LARP1B: variants seen among roughly 807,000 people sequenced by gnomAD.
LARP1B encodes the protein la-related protein 1B.
A neutral mutation model predicts 114.2 loss-of-function variants in LARP1B; 76 were observed. That is an observed-to-expected ratio of 0.67 (90% CI 0.55 to 0.81). The LOEUF is 0.81. Among genes scored for constraint, LARP1B ranks in the 30% least tolerant of loss-of-function variants. The probability of loss-of-function intolerance (pLI) is 0.00; values close to 1 mark genes in which losing one functional copy is unlikely to be tolerated. For synonymous variants in LARP1B, 345 were observed against 348.0 expected, an observed-to-expected ratio of 0.99 and a Z score of 0.10; for missense variants, 1,014 against 1,075.8, an observed-to-expected ratio of 0.94 and a Z score of 0.80.
In LARP1B at chr4:128,107,970, T is replaced by C. The variant is rs557018375; in HGVS notation, c.988+657T>C. ...TGACTCACTGAAATGCCTTTATAAATACTGGAACAAATCCTGCTGCAAAAA... is the reference window on the plus strand; with the variant it reads ...TGACTCACTGAAATGCCTTTATAAACACTGGAACAAATCCTGCTGCAAAAA... On this transcript the variant is annotated intron_variant, in intron 9 of 19. Coordinates refer to ENST00000326639, the MANE Select transcript of LARP1B (RefSeq NM_018078.4). 3 of 1,532,072 alleles carry C rather than the reference T, an allele frequency of 2.0e-6. No individual in the cohort carries two copies. The African/African-American group carries it at 4.1e-5, about 21-fold the overall frequency. 94.9% of individuals were successfully genotyped at this position (1,532,072 alleles called of 1,614,324 possible).
rs76050129 is a variant in LARP1B at position 128,126,113 on chromosome 4, CT to C, written c.1524+3951del. 2.9e-3 allele frequency among the ~76,000 whole-genome samples: 399 copies of C among 135,938 alleles called. 1 individual carries two copies. Among genetic ancestry groups the C allele is most frequent in the African/African-American group, 0.011 (354 of 33,428 alleles). 89.2% of individuals were successfully genotyped at this position (135,938 alleles called of 152,430 possible). A position where few individuals can be genotyped will look rare whatever the true frequency, so the allele number is the denominator to read the frequency against. ...CAGCAGAAACATACCTTAAAATAAT[CT>C]TTTTTTTTTTTTTTTTTTTTTTTTT... is the stretch of plus-strand genomic sequence containing the variant. On this transcript the variant is annotated intron_variant, in intron 11 of 19. Coordinates refer to ENST00000326639, the MANE Select transcript of LARP1B (RefSeq NM_018078.4).
In LARP1B at chr4:128,089,402, C is replaced by T. The variant is rs1345717089; in HGVS notation, c.359-1599C>T. Among the ~76,000 whole-genome samples, 4 of 152,170 alleles carry T rather than the reference C, an allele frequency of 2.6e-5. No individual in the cohort carries two copies. In the South Asian group the frequency reaches 8.3e-4, roughly 32 times the overall value. On this transcript the variant is annotated intron_variant, in intron 5 of 19. Transcript: ENST00000326639. ...CTAGGCTAGAGTGCAGTGGCGAGGT[C>T]TCGGCTCACTGCAACCTCTGCCTCC...
chr4:128,200,454 T>C, intron 16 of LARP1B, 67 bp from the exon 17 acceptor site: 1 of 1,009,894 alleles, frequency 9.9e-7, no homozygotes. Context: ...ATTTTATATA[T>C]AACATCTGCT....
intron 16 of LARP1B, 50 bp from the exon 17 acceptor site, chr4:128,200,471 T>C: frequency 1.7e-6 from 2 of 1,165,626 alleles, no homozygotes; most frequent in South Asian, 1.9e-5. Flanking sequence ...TGCTGTCTTG[T>C]CTTTAAAAAG....
At chr4:128,142,047 T>C (rs1728292562) in intron 11 of LARP1B, among the ~76,000 whole-genome samples, 1 of 152,206 alleles carries the variant, frequency 6.6e-6, no homozygotes, top group Non-Finnish European at 1.5e-5. Flanking sequence ...AATAGCTTCA[T>C]ACTGACTTGT....
intron 4 of LARP1B, among the ~76,000 whole-genome samples, chr4:128,079,917 G>A (rs577992250): frequency 1.3e-5 from 2 of 151,698 alleles, no homozygotes; most frequent in Admixed American, 1.3e-4. Flanking sequence ...TCCTACATAC[G>A]TAAGTAGTGT....
intron 11 of LARP1B, among the ~76,000 whole-genome samples, chr4:128,143,119 T>C (rs929178412): frequency 1.3e-5 from 2 of 151,880 alleles, no homozygotes; most frequent in Admixed American, 6.6e-5. Context: ...ACCCCATCCC[T>C]ACTAAAAATG....
intron 8 of LARP1B, among the ~76,000 whole-genome samples, chr4:128,106,664 T>G (rs1411351422): frequency 2.0e-5 from 3 of 151,926 alleles, no homozygotes; most frequent in African/African-American, 7.3e-5. Flanking sequence ...AGTTTATTTC[T>G]TTGAGCCTCA....
chr4:128,179,530 C>T lies in LARP1B; in HGVS notation c.2003+18C>T, dbSNP rs1305023441. ...TCTGTCAGGTACTATATTTCTCAAACATTACTTTTTTGTTCGTGATTTGAA... is the reference window on the plus strand; with the variant it reads ...TCTGTCAGGTACTATATTTCTCAAATATTACTTTTTTGTTCGTGATTTGAA... On this transcript the variant is annotated intron_variant, in intron 15 of 19. Transcript: ENST00000326639. 13 of 1,481,370 alleles carry T rather than the reference C, an allele frequency of 8.8e-6. No individual in the cohort carries two copies. Among genetic ancestry groups the T allele is most frequent in the Non-Finnish European group, 1.2e-5 (13 of 1,090,920 alleles). The allele number at this position is 1,481,370 out of a possible 1,614,324, so 91.8% of individuals were successfully genotyped here. A position where few individuals can be genotyped will look rare whatever the true frequency, so the allele number is the denominator to read the frequency against.
intron 16 of LARP1B, among the ~76,000 whole-genome samples, chr4:128,199,986 T>C (rs1755438181): frequency 6.6e-6 from 1 of 152,064 alleles, no homozygotes; most frequent in South Asian, 2.1e-4. Flanking sequence ...CCCAGGAGAT[T>C]GAGGCAGGAG....
intron 11 of LARP1B, chr4:128,123,563 T>G (rs1224245807): frequency 2.6e-6 from 1 of 380,422 alleles, no homozygotes; most frequent in Non-Finnish European, 3.6e-6. Context: ...GAGAAAAAAC[T>G]ATGGATGTAA....
At chr4:128,064,000 G>A (rs1297870401) in intron 1 of LARP1B, among the ~76,000 whole-genome samples, 3 of 151,872 alleles carry the variant, frequency 2.0e-5, no homozygotes, top group African/African-American at 7.3e-5. Flanking sequence ...GGCTGTGCGC[G>A]GTGGCACACG....
intron 9 of LARP1B, among the ~76,000 whole-genome samples, chr4:128,113,322 G>T (rs115355916): frequency 0.013 from 1,987 of 149,708 alleles, 28 homozygotes; most frequent in African/African-American, 0.046. Flanking sequence ...GAAGCCATTT[G>T]ATTTTTTTTC....
intron 11 of LARP1B, among the ~76,000 whole-genome samples, chr4:128,137,389 G>A (rs560618272): frequency 6.6e-6 from 1 of 152,158 alleles, no homozygotes; most frequent in African/African-American, 2.4e-5. Context: ...CAAAACAGCA[G>A]TTCCTATACA....
chr4:128,166,968 C>A (rs75654908), intron 12 of LARP1B, among the ~76,000 whole-genome samples: 11,715 of 78,828 alleles, frequency 0.15, 613 homozygotes, highest in Middle Eastern at 0.2. Flanking sequence ...CTCTCTCTCT[C>A]TCTATATATA....
rs1057126578 is a variant in LARP1B, at chr4:128,211,541, G to A, written c.*1488G>A. ...TTAAATTGCAGAAATAGTCAAATTT[G>A]AATATTCAGAAAATAAATTTATTTA... On this transcript the variant is annotated 3_prime_UTR_variant, in exon 20 of 20. Coordinates refer to ENST00000326639, the MANE Select transcript of LARP1B (RefSeq NM_018078.4). 11 of 918,068 alleles carry A rather than the reference G, an allele frequency of 1.2e-5. No individual in the cohort carries two copies. The highest frequency in any genetic ancestry group is 1.8e-5 in the African/African-American group (1 of 55,832). 56.9% of individuals were successfully genotyped at this position (918,068 alleles called of 1,614,324 possible).
chr4:128,204,695 A>G (rs1236142920), intron 17 of LARP1B, among the ~76,000 whole-genome samples: 1 of 151,762 alleles, frequency 6.6e-6, no homozygotes, highest in African/African-American at 2.4e-5. Flanking sequence ...AATAAATAAA[A>G]TGGCTTAAAG....
chr4:128,127,678 A>G (rs1790091004), intron 11 of LARP1B, among the ~76,000 whole-genome samples: 1 of 152,196 alleles, frequency 6.6e-6, no homozygotes, highest in Non-Finnish European at 1.5e-5. Context: ...TACTAAAAAT[A>G]CAAAATTAGC....
Position 128,199,529 on chromosome 4 carries a change from T to TAG in LARP1B, c.2094_2095insAG (p.His699SerfsTer5), listed in dbSNP as rs1755269997. 10 of 1,601,912 alleles carry TAG rather than the reference T, an allele frequency of 6.2e-6. No individual in the cohort carries two copies. In the Admixed American group the frequency reaches 1.5e-4, roughly 24 times the overall value. On this transcript the variant is annotated frameshift_variant, in exon 16 of 20. Transcript: ENST00000326639. LOFTEE classifies it high-confidence loss of function. ...CATTCCCAAAGTTCCAGCATCCTTC[T>TAG]CATGAACTTTTGAAGGAAAATGGCT...
Sources: gnomAD v4.1 joint callset for allele counts (sites outside exome capture counted in the v4.1 genomes callset) on GRCh38, gnomAD v4.1.1 for gene constraint, MANE v1.5 for transcripts, NCBI Gene and HGNC (gene_info 2026-07-23, HGNC 2026-07-21) for gene names.